TRABD2B: variants seen among roughly 807,000 people sequenced by gnomAD.
TRABD2B encodes metalloprotease TIKI2.
A neutral mutation model predicts 40.1 loss-of-function variants in TRABD2B; 14 were observed. The ratio of observed to expected loss-of-function variants is 0.35; its 90% confidence interval spans 0.23 to 0.55. The LOEUF is 0.55. Ranked by LOEUF, TRABD2B falls within the 20% of genes least tolerant of loss-of-function variation. TRABD2B has a pLI of 0.90. For missense variants in TRABD2B, 541 were observed against 648.6 expected, an observed-to-expected ratio of 0.83 and a Z score of 1.80; for synonymous variants, 263 against 277.0, an observed-to-expected ratio of 0.95 and a Z score of 0.50.
intron 2 of TRABD2B, among the ~76,000 whole-genome samples, chr1:47,896,983 C>T (rs114760213): frequency 6.6e-6 from 1 of 152,192 alleles, no homozygotes; most frequent in Admixed American, 6.5e-5. Flanking sequence ...CAGCATGCAA[C>T]AGGCCCAAAT....
intron 2 of TRABD2B, among the ~76,000 whole-genome samples, chr1:47,903,623 G>A (rs1324493717): frequency 1.3e-5 from 2 of 152,116 alleles, no homozygotes; most frequent in Non-Finnish European, 2.9e-5. Flanking sequence ...ATAGTTGGAA[G>A]GGAAGCCAAA....
At chr1:47,864,423 C>A (rs993053945) in intron 2 of TRABD2B, among the ~76,000 whole-genome samples, 1 of 151,908 alleles carries the variant, frequency 6.6e-6, no homozygotes, top group Non-Finnish European at 1.5e-5. Flanking sequence ...TATGAGAACT[C>A]CGTAACTTCC....
intron 2 of TRABD2B, among the ~76,000 whole-genome samples, chr1:47,954,908 T>C (rs777599991): frequency 6.6e-6 from 1 of 152,248 alleles, no homozygotes; most frequent in East Asian, 1.9e-4. Context: ...GCTCCATCCC[T>C]CCAAGCCTGT....
At chr1:47,808,626 C>T (rs551532254) in intron 2 of TRABD2B, among the ~76,000 whole-genome samples, 2 of 152,284 alleles carry the variant, frequency 1.3e-5, no homozygotes, top group South Asian at 2.1e-4. Flanking sequence ...CCATCTCACA[C>T]CATAATTCTT....
At position 47,874,252 on chromosome 1, in the gene TRABD2B, A is replaced by ATTTTTTTTT. The variant is rs61411862; in HGVS notation, c.667-72642_667-72634dup. Among the ~76,000 whole-genome samples, 142 of 90,514 alleles carry ATTTTTTTTT rather than the reference A, an allele frequency of 1.6e-3. 2 individuals are homozygous for ATTTTTTTTT. The highest frequency in any genetic ancestry group is 2.2e-3 in the East Asian group (6 of 2,710). The allele number at this position is 90,514 out of a possible 152,430, so 59.4% of individuals were successfully genotyped here. A position where few individuals can be genotyped will look rare whatever the true frequency, so the allele number is the denominator to read the frequency against. ...ATTTTATTTTTAAATTGATTAATTA[A>ATTTTTTTTT]TTTTTTTTTTTTTTTTTTTTTTTTG... On this transcript the variant is annotated intron_variant, in intron 2 of 6. Transcript: ENST00000606738.
intron 2 of TRABD2B, among the ~76,000 whole-genome samples, chr1:47,943,717 GTCTC>G (rs1229766764): frequency 6.7e-6 from 1 of 149,022 alleles, no homozygotes; most frequent in East Asian, 2.0e-4. Flanking sequence ...AAATTTCACT[GTCTC>G]TCTCTTTTCC....
intron 2 of TRABD2B, among the ~76,000 whole-genome samples, chr1:47,937,896 A>T (rs1238919234): frequency 6.6e-6 from 1 of 152,202 alleles, no homozygotes; most frequent in Non-Finnish European, 1.5e-5. Context: ...GAAGGATTGA[A>T]GCAGGGGCAG....
At chr1:47,897,475 G>A (rs1453872203) in intron 2 of TRABD2B, among the ~76,000 whole-genome samples, 1 of 152,136 alleles carries the variant, frequency 6.6e-6, no homozygotes, top group Non-Finnish European at 1.5e-5. Flanking sequence ...CAGAAAACAG[G>A]CTCTTCCACA....
chr1:47,773,329 C>T (rs1203242084), intron 6 of TRABD2B, among the ~76,000 whole-genome samples: 1 of 152,256 alleles, frequency 6.6e-6, no homozygotes, highest in Non-Finnish European at 1.5e-5. Flanking sequence ...GGGGGAGGCC[C>T]ATGCTGGGCA....
intron 2 of TRABD2B, among the ~76,000 whole-genome samples, chr1:47,947,670 G>A (rs1246568751): frequency 6.6e-6 from 1 of 152,120 alleles, no homozygotes; most frequent in Non-Finnish European, 1.5e-5. Flanking sequence ...CCCATAGAGT[G>A]AATAAAAGCC....
chr1:47,937,359 G>A (rs539818653), intron 2 of TRABD2B, among the ~76,000 whole-genome samples: 10 of 136,922 alleles, frequency 7.3e-5, no homozygotes, highest in South Asian at 4.8e-4. Context: ...CACCACCACC[G>A]TCATGATCAT....
At chr1:47,817,887 C>G (rs1166198647) in intron 2 of TRABD2B, among the ~76,000 whole-genome samples, 1 of 152,242 alleles carries the variant, frequency 6.6e-6, no homozygotes, top group Admixed American at 6.5e-5. Context: ...GGCTTCCACC[C>G]CAGCTCCTCC....
chr1:47,893,526 C>A (rs944980250), intron 2 of TRABD2B, among the ~76,000 whole-genome samples: 3 of 152,192 alleles, frequency 2.0e-5, no homozygotes, highest in Non-Finnish European at 2.9e-5. Context: ...CTGCCCTTAG[C>A]CCAGGCTGGT....
chr1:47,972,704 G>A (rs1013572119), intron 2 of TRABD2B, among the ~76,000 whole-genome samples: 3 of 152,172 alleles, frequency 2.0e-5, no homozygotes, highest in African/African-American at 4.8e-5. Flanking sequence ...TGTTACAGCA[G>A]CCTGAGCTAA....
chr1:47,787,735 G>A (rs1218953228), intron 4 of TRABD2B, among the ~76,000 whole-genome samples: 1 of 152,184 alleles, frequency 6.6e-6, no homozygotes, highest in African/African-American at 2.4e-5. Flanking sequence ...TAATGTAGAA[G>A]CAGGCAGCAT....
intron 2 of TRABD2B, among the ~76,000 whole-genome samples, chr1:47,847,342 T>C (rs1201377994): frequency 1.3e-5 from 2 of 152,204 alleles, no homozygotes; most frequent in African/African-American, 4.8e-5. Flanking sequence ...ATGCAACTCC[T>C]TTTGGAGAGT....
intron 2 of TRABD2B, among the ~76,000 whole-genome samples, chr1:47,802,360 G>A (rs540801678): frequency 7.2e-5 from 11 of 152,272 alleles, no homozygotes; most frequent in South Asian, 2.1e-4. Context: ...TTTGAGGATC[G>A]TGGCTCTAAT....
chr1:47,876,003 C>A (rs1394777946), intron 2 of TRABD2B, among the ~76,000 whole-genome samples: 1 of 152,202 alleles, frequency 6.6e-6, no homozygotes, highest in African/African-American at 2.4e-5. Context: ...AACAGTGTCA[C>A]AAACAAAGCC....
intron 2 of TRABD2B, among the ~76,000 whole-genome samples, chr1:47,834,921 G>C (rs1645298909): frequency 6.6e-6 from 1 of 152,110 alleles, no homozygotes. Flanking sequence ...GAAAAAAGCA[G>C]TTAATAAGGA....
Sources: allele counts gnomAD v4.1 joint callset (sites outside exome capture counted in the v4.1 genomes callset), GRCh38; gene constraint gnomAD v4.1.1; transcripts MANE v1.5; gene names NCBI Gene and HGNC (gene_info 2026-07-23, HGNC 2026-07-21).